SHROOM4: variants seen among roughly 807,000 people sequenced by gnomAD.
SHROOM4 encodes the protein protein Shroom4.
A neutral mutation model predicts 80.3 loss-of-function variants in SHROOM4; 17 were observed. That is an observed-to-expected ratio of 0.21 (90% CI 0.14 to 0.32). SHROOM4 has a LOEUF of 0.32. SHROOM4 is among the 10% of genes least tolerant of loss of function. The pLI is 1.00. For synonymous variants in SHROOM4, 400 were observed against 437.5 expected, an observed-to-expected ratio of 0.91 and a Z score of 1.07; for missense variants, 993 against 1,140.3, an observed-to-expected ratio of 0.87 and a Z score of 1.86.
At chrX:50,665,892 A>G (rs193050166) in intron 2 of SHROOM4, among the ~76,000 whole-genome samples, 292 of 111,869 alleles carry the variant, frequency 2.6e-3, no homozygotes, top group African/African-American at 8.2e-3. Flanking sequence ...GGAAGGCATC[A>G]TGGAAGAACT....
intron 2 of SHROOM4, among the ~76,000 whole-genome samples, chrX:50,665,639 G>A (rs1932667366): frequency 9.1e-6 from 1 of 110,007 alleles, no homozygotes; most frequent in Non-Finnish European, 1.9e-5. Context: ...CTGTGAGACA[G>A]TGGACATGTC....
intron 1 of SHROOM4, among the ~76,000 whole-genome samples, chrX:50,761,253 T>C (rs1557268845): frequency 9.0e-6 from 1 of 111,280 alleles, no homozygotes; most frequent in African/African-American, 3.3e-5. Flanking sequence ...GTTCCCATCA[T>C]TCACCTCCCA....
intron 1 of SHROOM4, among the ~76,000 whole-genome samples, chrX:50,738,686 A>G (rs1233629010): frequency 8.9e-6 from 1 of 111,808 alleles, no homozygotes; most frequent in Non-Finnish European, 1.9e-5. Flanking sequence ...AAGAGGACAC[A>G]AACAAATGGA....
chrX:50,747,972 C>T (rs1001838168), intron 1 of SHROOM4, among the ~76,000 whole-genome samples: 5 of 111,523 alleles, frequency 4.5e-5, no homozygotes, highest in South Asian at 3.8e-4. Context: ...ATGAATTGAA[C>T]GCAGATCTGG....
intron 4 of SHROOM4, among the ~76,000 whole-genome samples, chrX:50,632,259 G>A (rs182530145): frequency 8.9e-6 from 1 of 112,333 alleles, no homozygotes; most frequent in East Asian, 2.8e-4. Flanking sequence ...TTTGTGTAAG[G>A]CTTCTATCAC....
intron 1 of SHROOM4, among the ~76,000 whole-genome samples, chrX:50,744,831 C>A (rs1001784126): frequency 8.0e-5 from 9 of 111,895 alleles, no homozygotes; most frequent in Admixed American, 7.6e-4. Flanking sequence ...AAGTCTATTT[C>A]ATCTGTAGTG....
intron 2 of SHROOM4, among the ~76,000 whole-genome samples, chrX:50,667,705 T>C (rs782435777): frequency 4.7e-4 from 53 of 112,217 alleles, no homozygotes; most frequent in Non-Finnish European, 7.3e-4. Context: ...AGGGTGTTAA[T>C]GTAATGAAAA....
At chrX:50,750,806 G>A (rs890923743) in intron 1 of SHROOM4, among the ~76,000 whole-genome samples, 53 of 112,015 alleles carry the variant, frequency 4.7e-4, no homozygotes, top group Non-Finnish European at 4.9e-4. Flanking sequence ...AACGATCAGA[G>A]TGGGAAATGC....
chrX:50,639,232 G>A (rs1557256745), intron 2 of SHROOM4, among the ~76,000 whole-genome samples: 1 of 111,494 alleles, frequency 9.0e-6, no homozygotes, highest in African/African-American at 3.3e-5. Flanking sequence ...GAGTACATGT[G>A]GGGCATGGAT....
chrX:50,803,789 C>A (rs1557272837), intron 1 of SHROOM4, among the ~76,000 whole-genome samples: 1 of 112,151 alleles, frequency 8.9e-6, no homozygotes, highest in Non-Finnish European at 1.9e-5. Flanking sequence ...CTTGTATTCT[C>A]TAGTTTAGGG....
At chrX:50,582,907 C>T (rs1928691681), downstream of SHROOM4, among the ~76,000 whole-genome samples, 1 of 110,508 alleles carries the variant, frequency 9.0e-6, no homozygotes, top group Admixed American at 9.8e-5. Flanking sequence ...AATCTGCTTC[C>T]ATATTTAACT....
At chrX:50,794,403 C>T (rs1344036799) in intron 1 of SHROOM4, among the ~76,000 whole-genome samples, 1 of 110,516 alleles carries the variant, frequency 9.0e-6, no homozygotes, top group African/African-American at 3.3e-5. Context: ...GAACAGAGAG[C>T]TTGGCAAATT....
chrX:50,753,648 A>G (rs782007743), intron 1 of SHROOM4, among the ~76,000 whole-genome samples: 2 of 111,798 alleles, frequency 1.8e-5, no homozygotes, highest in East Asian at 5.6e-4. Context: ...AACACAAAAT[A>G]TCTCATTAGT....
chrX:50,697,308 G>A (rs1337691036), intron 1 of SHROOM4, among the ~76,000 whole-genome samples: 2 of 111,114 alleles, frequency 1.8e-5, no homozygotes, highest in African/African-American at 6.6e-5. Flanking sequence ...GGCAATTAAG[G>A]GCTGGTATTC....
chrX:50,634,920 T>C lies in SHROOM4; in HGVS notation c.1153A>G (p.Asn385Asp). Residue 385 changes from asparagine to aspartate, a missense_variant, in exon 4 of 9, where the codon AAT becomes GAT. Physicochemically the swap from Asn to Asp is conservative, Grantham distance 23 (BLOSUM62 1). Coordinates refer to ENST00000376020, the MANE Select transcript of SHROOM4 (RefSeq NM_020717.5). ...RASSVDSNPL[N>D]EASAELAKAS... The stretch of plus-strand genomic sequence containing the variant: ...TTAGCTAGCTCTGCAGAAGCCTCAT[T>C]GAGTGGGTTGGAATCCACGCTGGAA... The C allele has an allele frequency of 8.3e-7, 1 of 1,209,557 alleles. No homozygotes were observed. The highest frequency in any genetic ancestry group is 1.1e-6 in the Non-Finnish European group (1 of 894,352).
chrX:50,782,857 G>C (rs1222161359), intron 1 of SHROOM4, among the ~76,000 whole-genome samples: 2 of 111,721 alleles, frequency 1.8e-5, no homozygotes, highest in African/African-American at 6.5e-5. Context: ...GGGCTGGGAA[G>C]AAGGGGAAAT....
In SHROOM4 at chrX:50,772,088, A is replaced by G. The variant is rs376324299; in HGVS notation, c.117+41814T>C. On this transcript the variant is annotated intron_variant, in intron 1 of 8. Transcript: ENST00000376020. ...GAGATATGCATACACCTAAATATCA[A>G]TGCCTGTTACCTCTAGGAGGTAGGA... 1.3e-4 allele frequency among the ~76,000 whole-genome samples: 14 copies of G among 110,790 alleles called. No individual in the cohort carries two copies. In the East Asian group the frequency reaches 4.0e-3, roughly 31 times the overall value.
chrX:50,637,831 C>T lies in SHROOM4; in HGVS notation c.404+343G>A, dbSNP rs74774698. On this transcript the variant is annotated intron_variant, in intron 3 of 8. Coordinates refer to ENST00000376020, the MANE Select transcript of SHROOM4 (RefSeq NM_020717.5). ...CAGAGAAGCAGGCCAGAACTGAGCC[C>T]TGGGGTCCTCCTACATTAAGAGACA... 8.6e-3 allele frequency among the ~76,000 whole-genome samples: 958 copies of T among 111,960 alleles called. 23 individuals are homozygous for T. The highest frequency in any genetic ancestry group is 0.061 in the Admixed American group (640 of 10,569).
chrX:50,778,911 G>A (rs566054309), intron 1 of SHROOM4, among the ~76,000 whole-genome samples: 1 of 111,476 alleles, frequency 9.0e-6, no homozygotes, highest in Non-Finnish European at 1.9e-5. Context: ...TGCCTCAATT[G>A]CCTCATCCGT....
Sources: allele counts gnomAD v4.1 joint callset (sites outside exome capture counted in the v4.1 genomes callset), GRCh38; gene constraint gnomAD v4.1.1; transcripts MANE v1.5; gene names NCBI Gene and HGNC (gene_info 2026-07-23, HGNC 2026-07-21).